The following OGDH variants were observed in gnomAD, a reference collection of about 807,000 sequenced individuals.
The protein encoded by OGDH is oxoglutarate dehydrogenase.
OGDH carries 38 observed loss-of-function variants against 116.6 expected under a neutral mutation model. That is an observed-to-expected ratio of 0.33 (90% CI 0.25 to 0.43). The LOEUF (loss-of-function observed/expected upper bound fraction) is 0.43, where lower values mean the gene tolerates loss of function less well. OGDH is among the 20% of genes least tolerant of loss of function. OGDH has a pLI of 1.00. For synonymous variants in OGDH, 488 were observed against 533.3 expected, an observed-to-expected ratio of 0.92 and a Z score of 1.17; for missense variants, 825 against 1,357.2, an observed-to-expected ratio of 0.61 and a Z score of 6.16.
intron 1 of OGDH, among the ~76,000 whole-genome samples, chr7:44,623,189 C>T (rs995563018): frequency 1.3e-5 from 2 of 152,172 alleles, no homozygotes; most frequent in African/African-American, 4.8e-5. Flanking sequence ...GATTCTGGCT[C>T]TTCCCGTCTC....
At chr7:44,696,004 G>C in intron 12 of OGDH, 21 bp from the exon 13 acceptor site, 1 of 1,373,066 alleles carries the variant, frequency 7.3e-7, no homozygotes, top group Non-Finnish European at 1.0e-6. Context: ...CAGTCACGCT[G>C]TGTTGTGCCC....
At chr7:44,684,008 G>A (rs1008195994) in intron 10 of OGDH, among the ~76,000 whole-genome samples, 2 of 152,218 alleles carry the variant, frequency 1.3e-5, no homozygotes, top group Non-Finnish European at 2.9e-5. Flanking sequence ...TGAAGTGGGT[G>A]TGGGAGGTGT....
chr7:44,610,403 A>G (rs2117205558), intron 1 of OGDH, among the ~76,000 whole-genome samples: 1 of 150,674 alleles, frequency 6.6e-6, no homozygotes, highest in East Asian at 2.0e-4. Flanking sequence ...TCCCAGGTTC[A>G]AGCGATTCTT....
chr7:44,675,141 TCA>T, intron 7 of OGDH, 35 bp from the exon 8 acceptor site: 1 of 1,563,230 alleles, frequency 6.4e-7, no homozygotes, highest in African/African-American at 1.4e-5. Flanking sequence ...AACCATGACC[TCA>T]GGCTCTGCTC....
intron 2 of OGDH, among the ~76,000 whole-genome samples, chr7:44,634,349 G>A (rs969104907): frequency 2.6e-5 from 4 of 152,208 alleles, no homozygotes; most frequent in Non-Finnish European, 4.4e-5. Flanking sequence ...TCCGTTTGGG[G>A]AGAGGAAAAG....
chr7:44,630,522 T>G (rs1292194218), intron 2 of OGDH, among the ~76,000 whole-genome samples: 1 of 152,238 alleles, frequency 6.6e-6, no homozygotes, highest in Non-Finnish European at 1.5e-5. Flanking sequence ...TTTAATCTTT[T>G]ATGTTTGATT....
chr7:44,695,174 C>A (rs1163057544), intron 12 of OGDH, among the ~76,000 whole-genome samples: 2 of 152,104 alleles, frequency 1.3e-5, no homozygotes, highest in African/African-American at 4.8e-5. Flanking sequence ...TAGCTCACTG[C>A]AACCTCCACC....
intron 18 of OGDH, 34 bp downstream of exon 18, chr7:44,698,297 C>T (rs757245239): frequency 2.0e-5 from 32 of 1,607,374 alleles, no homozygotes; most frequent in Non-Finnish European, 2.6e-5. Context: ...CCCAGCCATT[C>T]TCGGGGTGTC....
In OGDH at chr7:44,697,260, A is replaced by C. The variant is rs1470946003; in HGVS notation, c.2052-110A>C. 2.0e-6 allele frequency: 3 copies of C among 1,510,416 alleles called. No individual in the cohort carries two copies. The highest frequency in any genetic ancestry group is 2.7e-6 in the Non-Finnish European group (3 of 1,106,260). The allele number at this position is 1,510,416 out of a possible 1,614,324, so 93.6% of individuals were successfully genotyped here. A position where few individuals can be genotyped will look rare whatever the true frequency, so the allele number is the denominator to read the frequency against. ...GGGCCGACCCTGCAGCTGCCTGGCC[A>C]GAAGTCCAGGTCACAGAGCATGGCA... is the stretch of plus-strand genomic sequence containing the variant. On this transcript the variant is annotated intron_variant, in intron 15 of 22. Transcript: ENST00000222673. This position sits in a 1 kb window ranked among gnomAD's most constrained non-coding sequence, Gnocchi z 6.0.
chr7:44,680,698 A>G (rs1045500602), intron 9 of OGDH, among the ~76,000 whole-genome samples: 4 of 152,188 alleles, frequency 2.6e-5, no homozygotes, highest in Non-Finnish European at 4.4e-5. Context: ...CTTAAATCCC[A>G]TCCTCTACTG....
intron 2 of OGDH, among the ~76,000 whole-genome samples, chr7:44,631,436 C>T (rs1315268669): frequency 6.6e-6 from 1 of 152,194 alleles, no homozygotes; most frequent in Non-Finnish European, 1.5e-5. Context: ...AACCCTCACT[C>T]TCCTACCACC....
intron 4 of OGDH, among the ~76,000 whole-genome samples, chr7:44,651,432 CAG>C (rs1160470028): frequency 2.0e-5 from 3 of 152,302 alleles, no homozygotes; most frequent in Non-Finnish European, 4.4e-5. Context: ...ACAGTAGCGC[CAG>C]AGTGTCAGGA....
chr7:44,698,323 G>A (rs3213662), intron 18 of OGDH, 60 bp downstream of exon 18: 178,333 of 1,546,900 alleles, frequency 0.12, 22,201 homozygotes, highest in African/African-American at 0.54. Flanking sequence ...GGAAACCTGG[G>A]GAAGAGCAAT....
intron 2 of OGDH, among the ~76,000 whole-genome samples, chr7:44,632,590 A>G (rs2115587723): frequency 6.6e-6 from 1 of 152,028 alleles, no homozygotes; most frequent in African/African-American, 2.4e-5. Flanking sequence ...GGCGTGAGCC[A>G]CTGAGCCTGG....
chr7:44,616,469 G>A (rs1784772945), intron 1 of OGDH, among the ~76,000 whole-genome samples: 1 of 152,062 alleles, frequency 6.6e-6, no homozygotes, highest in Admixed American at 6.6e-5. Context: ...AGGCTTCTGT[G>A]CTAAATGATG....
rs539760712 is a variant in OGDH, at chr7:44,681,257, C to T, written c.1207-463C>T. On this transcript the variant is annotated intron_variant, in intron 9 of 22. Transcript: ENST00000222673. ...TCCCAGGTGAGCAGAGTTAACCTGA[C>T]CTGATGCAGTATGTCCTTCCCAAGT... Among the ~76,000 whole-genome samples, 3 of 152,306 alleles carry T rather than the reference C, an allele frequency of 2.0e-5. No individual in the cohort carries two copies. In the East Asian group the frequency reaches 5.8e-4, roughly 29 times the overall value.
At position 44,694,964 on chromosome 7, in the gene OGDH, T is replaced by C. The variant is rs1788515745; in HGVS notation, c.1668+388T>C. On this transcript the variant is annotated intron_variant, in intron 12 of 22. Coordinates refer to ENST00000222673, the MANE Select transcript of OGDH (RefSeq NM_002541.4). The surrounding 1 kb of genome is among the most constrained non-coding windows in gnomAD (Gnocchi z 4.2). Reference sequence around the variant, plus strand: ...GTTGTGAGTGGGAAGGCCAAGCAGCTGCCCTAGAGAGGGAGAGGGTGGGTG... The same window carrying C: ...GTTGTGAGTGGGAAGGCCAAGCAGCCGCCCTAGAGAGGGAGAGGGTGGGTG... Among the ~76,000 whole-genome samples, 1 of 152,040 alleles carries C rather than the reference T, an allele frequency of 6.6e-6. No homozygotes were observed. Among genetic ancestry groups the C allele is most frequent in the Non-Finnish European group, 1.5e-5 (1 of 68,024 alleles).
In OGDH at chr7:44,629,715, G is replaced by A. The variant is rs114700378; in HGVS notation, c.222+5150G>A. 4.1e-3 allele frequency among the ~76,000 whole-genome samples: 630 copies of A among 151,816 alleles called. 4 individuals carry two copies. The highest frequency in any genetic ancestry group is 0.013 in the African/African-American group (549 of 41,346). ...GTACCTCAGTCTCCCAGCTAGCTGGGATTACAGACGTGCCCCATCACGCCT... is the reference window on the plus strand; with the variant it reads ...GTACCTCAGTCTCCCAGCTAGCTGGAATTACAGACGTGCCCCATCACGCCT... On this transcript the variant is annotated intron_variant, in intron 2 of 22. Transcript: ENST00000222673.
intron 1 of OGDH, among the ~76,000 whole-genome samples, chr7:44,616,808 C>CATATATATACAT (rs201946144): frequency 0.1 from 13,992 of 135,792 alleles, 1,506 homozygotes; most frequent in East Asian, 0.43. Flanking sequence ...TATATATATG[C>CATATATATACAT]ATATATACGT....
Sources: gnomAD v4.1 joint callset for allele counts (sites outside exome capture counted in the v4.1 genomes callset) on GRCh38, gnomAD v4.1.1 for gene constraint, Gnocchi (gnomAD v3.1) non-coding constraint, MANE v1.5 for transcripts, NCBI Gene and HGNC (gene_info 2026-07-23, HGNC 2026-07-21) for gene names.